Variants in ERBB4 observed in about 807,000 individuals in gnomAD.
ERBB4 encodes the protein receptor tyrosine-protein kinase erbB-4.
ERBB4 carries 42 observed loss-of-function variants against 158.0 expected under a neutral mutation model. That is an observed-to-expected ratio of 0.27 (90% CI 0.21 to 0.34). ERBB4 has a LOEUF of 0.34. Among genes scored for constraint, ERBB4 ranks in the 10% least tolerant of loss-of-function variants. The pLI is 1.00. For synonymous variants in ERBB4, 583 were observed against 558.7 expected (o/e 1.04, Z -0.61); for missense variants, 1,333 against 1,624.1 (o/e 0.82, Z 3.08).
chr2:211,935,024 AG>A (rs1162973527), intron 3 of ERBB4, among the ~76,000 whole-genome samples: 1 of 151,804 alleles, frequency 6.6e-6, no homozygotes, highest in African/African-American at 2.4e-5. Flanking sequence ...GGATGACAAA[AG>A]TTTAGTGTCA....
intron 1 of ERBB4, among the ~76,000 whole-genome samples, chr2:212,331,060 A>ATATATATATATATATATATATACACG (rs2088129907): frequency 1.6e-5 from 2 of 121,652 alleles, no homozygotes; most frequent in Non-Finnish European, 3.6e-5. Flanking sequence ...TGTAATTTGT[A>ATATATATATATATATATATATACACG]TATATATATA....
At chr2:212,308,053 A>T (rs1287492781) in intron 1 of ERBB4, among the ~76,000 whole-genome samples, 1 of 151,072 alleles carries the variant, frequency 6.6e-6, no homozygotes, top group Non-Finnish European at 1.5e-5. Context: ...TCTCCAAAAA[A>T]AATTCCTCCA....
chr2:211,724,863 T>C (rs2074216392), intron 6 of ERBB4, among the ~76,000 whole-genome samples: 1 of 152,206 alleles, frequency 6.6e-6, no homozygotes, highest in African/African-American at 2.4e-5. Context: ...ACATAAATTA[T>C]ATCAGAAATA....
intron 2 of ERBB4, among the ~76,000 whole-genome samples, chr2:211,984,453 G>C (rs2081887397): frequency 6.6e-6 from 1 of 152,032 alleles, no homozygotes; most frequent in Admixed American, 6.6e-5. Flanking sequence ...CATTTTCAAA[G>C]GTACAGCAAA....
chr2:212,426,549 G>A (rs1311262633), intron 1 of ERBB4, among the ~76,000 whole-genome samples: 1 of 151,882 alleles, frequency 6.6e-6, no homozygotes, highest in African/African-American at 2.4e-5. Flanking sequence ...ACATACACCT[G>A]TATGCACCAT....
chr2:211,733,053 C>A (rs2074480242), intron 5 of ERBB4, among the ~76,000 whole-genome samples: 1 of 152,178 alleles, frequency 6.6e-6, no homozygotes, highest in Non-Finnish European at 1.5e-5. Context: ...CCTGATGAAT[C>A]CCTGGTGACC....
At chr2:211,388,615 T>C (rs896038372) in intron 25 of ERBB4, among the ~76,000 whole-genome samples, 3 of 151,804 alleles carry the variant, frequency 2.0e-5, no homozygotes, top group African/African-American at 7.3e-5. Flanking sequence ...ATTTGGAAAA[T>C]CAATTCCTTT....
intron 1 of ERBB4, among the ~76,000 whole-genome samples, chr2:212,263,359 T>C (rs2085014026): frequency 6.6e-6 from 1 of 152,162 alleles, no homozygotes; most frequent in African/African-American, 2.4e-5. Context: ...GCACTTTCTA[T>C]ATAGAAACAT....
chr2:211,876,225 A>G (rs1559601784), intron 3 of ERBB4, among the ~76,000 whole-genome samples: 5 of 152,136 alleles, frequency 3.3e-5, no homozygotes. Flanking sequence ...GAGAATACCA[A>G]TTTTGCTGAT....
At chr2:211,562,110 C>A in intron 19 of ERBB4, 22 bp from the exon 20 acceptor site, 1 of 1,605,132 alleles carries the variant, frequency 6.2e-7, no homozygotes, top group Admixed American at 1.7e-5. Flanking sequence ...AAATGCAATA[C>A]CATGATTTCA....
At chr2:211,741,501 TAGAG>T (rs575541868) in intron 5 of ERBB4, among the ~76,000 whole-genome samples, 14 of 138,492 alleles carry the variant, frequency 1.0e-4, no homozygotes, top group East Asian at 4.1e-4. Flanking sequence ...AGACAGATGA[TAGAG>T]AGAGAGAGAG....
At chr2:211,629,920 G>A (rs1443251799) in intron 17 of ERBB4, among the ~76,000 whole-genome samples, 2 of 152,166 alleles carry the variant, frequency 1.3e-5, no homozygotes, top group African/African-American at 4.8e-5. Flanking sequence ...AGATTTAAAT[G>A]TTAGACCTAA....
At chr2:212,224,643 C>T (rs1395384310) in intron 1 of ERBB4, among the ~76,000 whole-genome samples, 2 of 151,930 alleles carry the variant, frequency 1.3e-5, no homozygotes, top group Non-Finnish European at 2.9e-5. Context: ...CAATTAACCC[C>T]CTTCCCACTC....
chr2:211,472,648 G>C (rs1435159741), intron 20 of ERBB4, among the ~76,000 whole-genome samples: 1 of 151,674 alleles, frequency 6.6e-6, no homozygotes, highest in Non-Finnish European at 1.5e-5. Context: ...CTACATCCTT[G>C]GTTTTGTCTC....
intron 3 of ERBB4, among the ~76,000 whole-genome samples, chr2:211,910,691 T>C (rs191841920): frequency 1.6e-4 from 25 of 152,188 alleles, no homozygotes; most frequent in Middle Eastern, 3.4e-3. Context: ...AGTTTACCTA[T>C]ATAACAAACG....
At chr2:211,669,325 G>A (rs1374990538) in intron 14 of ERBB4, among the ~76,000 whole-genome samples, 1 of 151,710 alleles carries the variant, frequency 6.6e-6, no homozygotes. Context: ...CTGCAATATG[G>A]AGGTTATTTG....
chr2:211,558,167 A>T (rs2067289466), intron 20 of ERBB4, among the ~76,000 whole-genome samples: 1 of 152,138 alleles, frequency 6.6e-6, no homozygotes, highest in South Asian at 2.1e-4. Flanking sequence ...TGTAGGTTGG[A>T]AGTCCATAAT....
chr2:212,310,047 A>G (rs1366638343), intron 1 of ERBB4, among the ~76,000 whole-genome samples: 1 of 150,550 alleles, frequency 6.6e-6, no homozygotes, highest in Non-Finnish European at 1.5e-5. Context: ...AAATAGATGC[A>G]TTTTTCTAAG....
Position 212,331,071 on chromosome 2 carries a change from T to TATATATATATATATATATATATATAC in ERBB4, c.83-206169_83-206168insGTATATATATATATATATATATATAT, listed in dbSNP as rs147932949. On this transcript the variant is annotated intron_variant, in intron 1 of 27. Coordinates refer to ENST00000342788, the MANE Select transcript of ERBB4 (RefSeq NM_005235.3). ...TATTTGTAATTTGTATATATATATA[T>TATATATATATATATATATATATATAC]ACACATATATATATATGCCCATAAC... 3.8e-4 allele frequency among the ~76,000 whole-genome samples: 46 copies of TATATATATATATATATATATATATAC among 120,056 alleles called. 1 individual carries two copies. Among genetic ancestry groups the TATATATATATATATATATATATATAC allele is most frequent in the African/African-American group, 8.3e-4 (30 of 36,038 alleles). The allele number at this position is 120,056 out of a possible 152,430, so 78.8% of individuals were successfully genotyped here. A position where few individuals can be genotyped will look rare whatever the true frequency, so the allele number is the denominator to read the frequency against.
Sources: allele counts gnomAD v4.1 joint callset (sites outside exome capture counted in the v4.1 genomes callset), GRCh38; gene constraint gnomAD v4.1.1; transcripts MANE v1.5; gene names NCBI Gene and HGNC (gene_info 2026-07-23, HGNC 2026-07-21).